The following MMP28 variants were observed in gnomAD, a reference collection of about 807,000 sequenced individuals.
MMP28 encodes matrix metalloproteinase-28.
In MMP28, 55 loss-of-function variants were observed where a neutral mutation model predicts 60.5. The ratio of observed to expected loss-of-function variants is 0.91; its 90% CI spans 0.73 to 1.14. The LOEUF (loss-of-function observed/expected upper bound fraction) is 1.14. MMP28 is among the 50% of genes most tolerant of loss of function. The pLI, the probability that MMP28 is intolerant of heterozygous loss-of-function variation, is 0.00. For missense variants in MMP28, 686 were observed against 738.3 expected (o/e 0.93, Z 0.82); for synonymous variants, 318 against 312.5 (o/e 1.02, Z -0.18).
Position 35,766,217 on chromosome 17 carries a change from G to A in MMP28, c.*283C>T. The A allele has an allele frequency of 8.2e-7, 1 of 1,226,484 alleles. No homozygotes were observed. The highest frequency in any genetic ancestry group is 1.0e-6 in the Non-Finnish European group (1 of 981,042). The allele number at this position is 1,226,484 out of a possible 1,614,324, so 76.0% of individuals were successfully genotyped here. On this transcript the variant is annotated 3_prime_UTR_variant, in exon 8 of 8. Coordinates refer to ENST00000605424, the MANE Select transcript of MMP28 (RefSeq NM_024302.5). The surrounding 1 kb of genome is among the most constrained non-coding windows in gnomAD (Gnocchi z 4.3). ...TGTACCTTTAGCCGAAGAAACAAAG[G>A]CCTGGGGAGGATAGAAGTCCTCGGA... is the stretch of plus-strand genomic sequence containing the variant.
At chr17:35,785,738 C>T (rs189039136) in intron 1 of MMP28, among the ~76,000 whole-genome samples, 11 of 152,120 alleles carry the variant, frequency 7.2e-5, no homozygotes, top group East Asian at 1.9e-4. Flanking sequence ...TGAGCCACCG[C>T]GCCCAGCCAG....
downstream of MMP28, among the ~76,000 whole-genome samples, chr17:35,762,619 G>A (rs2085842662): frequency 6.6e-6 from 1 of 152,022 alleles, no homozygotes; most frequent in South Asian, 2.1e-4. Flanking sequence ...CTCACCCTAA[G>A]GACAGCCTTT....
At chr17:35,773,501 A>C (rs532615742) in intron 3 of MMP28, 97 bp from the exon 4 acceptor site, 4 of 1,081,568 alleles carry the variant, frequency 3.7e-6, no homozygotes, top group Non-Finnish European at 5.3e-6. Flanking sequence ...GCCCTCCCCC[A>C]GCAGCCCCTC....
intron 1 of MMP28, among the ~76,000 whole-genome samples, chr17:35,788,949 C>A (rs1161568611): frequency 6.6e-6 from 1 of 152,210 alleles, no homozygotes; most frequent in African/African-American, 2.4e-5. Flanking sequence ...CTCAGCAGAG[C>A]ATGCTCTTCC....
chr17:35,788,816 G>C (rs914937604), intron 1 of MMP28, among the ~76,000 whole-genome samples: 8 of 152,238 alleles, frequency 5.3e-5, no homozygotes, highest in Admixed American at 2.0e-4. Flanking sequence ...GAAGGTCCAA[G>C]CAAAGCAAAT....
At chr17:35,781,956 CA>C (rs2086516227) in intron 1 of MMP28, among the ~76,000 whole-genome samples, 1 of 151,868 alleles carries the variant, frequency 6.6e-6, no homozygotes, top group Non-Finnish European at 1.5e-5. Flanking sequence ...ACCACAGCCT[CA>C]AACTCCTGGA....
At position 35,766,645 on chromosome 17, in the gene MMP28, G is replaced by C; in HGVS notation, c.1418C>G (p.Pro473Arg). The C allele has an allele frequency of 6.2e-7, 1 of 1,612,196 alleles. No individual in the cohort carries two copies. The highest frequency in any genetic ancestry group is 8.5e-7 in the Non-Finnish European group (1 of 1,179,402). The change falls in exon 8 of 8, where the codon CCC becomes CGC. Residue 473 changes from proline (P) to arginine (R), a missense_variant. Coordinates refer to ENST00000605424, the MANE Select transcript of MMP28 (RefSeq NM_024302.5). The surrounding 1 kb of genome is among the most constrained non-coding windows in gnomAD (Gnocchi z 4.3). ...PEEVSGALPR[P>R]DGSIIFFRDD... is the part of the protein sequence containing the mutation. The stretch of plus-strand genomic sequence containing the variant: ...TCGGAAGAAGATGATGGAGCCATCG[G>C]GCCTCGGCAGGGCGCCGCTGACCTC...
intron 3 of MMP28, among the ~76,000 whole-genome samples, chr17:35,777,664 G>C: frequency 6.6e-6 from 1 of 152,326 alleles, no homozygotes; most frequent in African/African-American, 2.4e-5. Flanking sequence ...TGAAAACCTG[G>C]TTAAAAACCC....
chr17:35,786,372 T>TA (rs2086648913), intron 1 of MMP28, among the ~76,000 whole-genome samples: 1 of 152,136 alleles, frequency 6.6e-6, no homozygotes. Context: ...CTCACCTTCT[T>TA]AGACATCCTC....
intron 5 of MMP28, among the ~76,000 whole-genome samples, chr17:35,769,484 C>T (rs1419998249): frequency 2.6e-5 from 4 of 152,192 alleles, no homozygotes; most frequent in Non-Finnish European, 4.4e-5. Context: ...CCTGGCTCTG[C>T]CCATGGCACT....
chr17:35,780,934 A>G lies in MMP28; in HGVS notation c.112-1611T>C, dbSNP rs768404134. Among the ~76,000 whole-genome samples, 7 of 152,222 alleles carry G rather than the reference A, an allele frequency of 4.6e-5. No individual in the cohort carries two copies. The South Asian group carries it at 1.0e-3, about 22-fold the overall frequency. On this transcript the variant is annotated intron_variant, in intron 1 of 7. Coordinates refer to ENST00000605424, the MANE Select transcript of MMP28 (RefSeq NM_024302.5). ...TGAGAATAATTTAAAGAAACTTCAC[A>G]TCGGAAGGTCAGGAAGGAGTTGAGT...
At chr17:35,783,254 C>A (rs955112477) in intron 1 of MMP28, among the ~76,000 whole-genome samples, 3 of 152,236 alleles carry the variant, frequency 2.0e-5, no homozygotes, top group Admixed American at 2.0e-4. Context: ...GCACATTTAG[C>A]ATAGTGCCTG....
chr17:35,786,771 T>C (rs2086663931), intron 1 of MMP28, among the ~76,000 whole-genome samples: 1 of 151,924 alleles, frequency 6.6e-6, no homozygotes, highest in Non-Finnish European at 1.5e-5. Flanking sequence ...AAATATTTTC[T>C]GGTAGTCAGG....
chr17:35,772,418 G>C (rs935593375), intron 4 of MMP28, among the ~76,000 whole-genome samples: 3 of 152,166 alleles, frequency 2.0e-5, no homozygotes, highest in Admixed American at 6.5e-5. Flanking sequence ...GATTCCTCCT[G>C]GTCCTAACCC....
At chr17:35,763,302 G>T (rs1439562297), downstream of MMP28, among the ~76,000 whole-genome samples, 2 of 151,822 alleles carry the variant, frequency 1.3e-5, no homozygotes, top group Middle Eastern at 3.2e-3. Flanking sequence ...GTGGAGACGG[G>T]GTCTCACTCT....
chr17:35,770,729 T>A (rs1390985859), intron 4 of MMP28, among the ~76,000 whole-genome samples: 1 of 151,936 alleles, frequency 6.6e-6, no homozygotes, highest in Non-Finnish European at 1.5e-5. Flanking sequence ...TGTGTGTGTG[T>A]GTGTGTGTGT....
intron 1 of MMP28, among the ~76,000 whole-genome samples, chr17:35,787,480 TTTTG>T (rs144461822): frequency 1.6e-3 from 244 of 152,082 alleles, no homozygotes; most frequent in Non-Finnish European, 2.5e-3. Flanking sequence ...TCCTTCAGTT[TTTTG>T]TTTGTTTGTT....
rs1373650525 is a variant in MMP28, at chr17:35,784,285, A to G, written c.112-4962T>C. Among the ~76,000 whole-genome samples the G allele has an allele frequency of 4.0e-5, 6 of 148,684 alleles. No homozygotes were observed. In the East Asian group the frequency reaches 1.2e-3, roughly 29 times the overall value. ...CAACAAGAGCAAGACTCCATTTCCAAAAAAAAAAAAAGCACTGAAGTATTA... is the reference window on the plus strand; with the variant it reads ...CAACAAGAGCAAGACTCCATTTCCAGAAAAAAAAAAAGCACTGAAGTATTA... On this transcript the variant is annotated intron_variant, in intron 1 of 7. Transcript: ENST00000605424.
chr17:35,757,886 A>G (rs1243627182), intron 2 of MMP28, among the ~76,000 whole-genome samples: 5 of 152,156 alleles, frequency 3.3e-5, no homozygotes, highest in African/African-American at 1.2e-4. Context: ...TCCTGGACTC[A>G]AGCAATTTTC....
Sources: allele counts gnomAD v4.1 joint callset (sites outside exome capture counted in the v4.1 genomes callset), GRCh38; gene constraint gnomAD v4.1.1; non-coding constraint Gnocchi (gnomAD v3.1); transcripts MANE v1.5; gene names NCBI Gene and HGNC (gene_info 2026-07-23, HGNC 2026-07-21).